The following SVEP1 variants were observed in gnomAD, a reference collection of about 807,000 sequenced individuals.
The protein encoded by SVEP1 is sushi, von Willebrand factor type A, EGF and pentraxin domain-containing protein 1.
SVEP1 carries 164 observed loss-of-function variants against 367.3 expected under a neutral mutation model. The observed-to-expected ratio is 0.45, with a 90% CI of 0.39 to 0.51. SVEP1 has a LOEUF of 0.51. Among genes scored for constraint, SVEP1 ranks in the 20% least tolerant of loss-of-function variants. The pLI, the probability that SVEP1 is intolerant of heterozygous loss-of-function variation, is 0.00. For missense variants in SVEP1, 4,117 were observed against 4,425.3 expected (o/e 0.93, Z 1.98); for synonymous variants, 1,666 against 1,611.6 (o/e 1.03, Z -0.81).
At chr9:110,536,163 G>C (rs1830076772) in intron 3 of SVEP1, among the ~76,000 whole-genome samples, 1 of 151,986 alleles carries the variant, frequency 6.6e-6, no homozygotes, top group South Asian at 2.1e-4. Context: ...TAACATAAAG[G>C]AATGTTGAAT....
intron 37 of SVEP1, 146 bp downstream of exon 37, chr9:110,410,917 G>T: frequency 1.6e-6 from 1 of 614,020 alleles, no homozygotes; most frequent in African/African-American, 1.9e-5. Context: ...AGATTATCAT[G>T]ATTCTTTGTT....
intron 27 of SVEP1, among the ~76,000 whole-genome samples, chr9:110,440,113 T>C (rs1828490970): frequency 6.6e-6 from 1 of 152,220 alleles, no homozygotes; most frequent in South Asian, 2.1e-4. Context: ...CCTCACTTGA[T>C]AATGCCATTT....
At chr9:110,513,187 G>A in intron 4 of SVEP1, 82 bp from the exon 5 acceptor site, 1 of 1,301,214 alleles carries the variant, frequency 7.7e-7, no homozygotes. Flanking sequence ...CTTTCAAGGG[G>A]GCATTTATGC....
intron 26 of SVEP1, among the ~76,000 whole-genome samples, chr9:110,445,405 G>A (rs926516128): frequency 6.6e-6 from 1 of 152,154 alleles, no homozygotes; most frequent in African/African-American, 2.4e-5. Flanking sequence ...GGTCAATGAT[G>A]TCACTGAAAT....
intron 5 of SVEP1, among the ~76,000 whole-genome samples, chr9:110,503,683 C>T (rs940171604): frequency 3.3e-5 from 5 of 152,198 alleles, no homozygotes; most frequent in Admixed American, 2.6e-4. Flanking sequence ...ATAGTGTTAG[C>T]CTCTGCAAAG....
chr9:110,482,687 C>G (rs1318492497), intron 10 of SVEP1, among the ~76,000 whole-genome samples, 195 bp from the exon 11 acceptor site: 1 of 152,048 alleles, frequency 6.6e-6, no homozygotes, highest in Non-Finnish European at 1.5e-5. Context: ...CCACCACGCC[C>G]AGCTAATTTT....
At chr9:110,372,914 AACATGGCAAAG>A (rs1451182074) in intron 46 of SVEP1, among the ~76,000 whole-genome samples, 1 of 152,202 alleles carries the variant, frequency 6.6e-6, no homozygotes, top group African/African-American at 2.4e-5. Context: ...TAGCCTCTTA[AACATGGCAAAG>A]ACATGCCAAA....
intron 5 of SVEP1, among the ~76,000 whole-genome samples, chr9:110,507,355 A>G (rs1034831130): frequency 6.6e-6 from 1 of 152,198 alleles, no homozygotes; most frequent in African/African-American, 2.4e-5. Context: ...TTAAAATACC[A>G]GGAAAGGAAG....
chr9:110,383,778 G>A (rs1410043), intron 43 of SVEP1, among the ~76,000 whole-genome samples: 2 of 151,848 alleles, frequency 1.3e-5, no homozygotes, highest in Non-Finnish European at 2.9e-5. Context: ...GAGATCAGAG[G>A]TCTGTTCATA....
intron 22 of SVEP1, among the ~76,000 whole-genome samples, chr9:110,453,786 T>C (rs139730701): frequency 2.1e-4 from 32 of 152,074 alleles, no homozygotes; most frequent in Middle Eastern, 3.4e-3. Flanking sequence ...GGAGAATTGT[T>C]TGAACTTGGG....
chr9:110,422,966 G>A (rs1452226286), intron 36 of SVEP1, among the ~76,000 whole-genome samples: 2 of 120,840 alleles, frequency 1.7e-5, no homozygotes, highest in Admixed American at 1.7e-4. Flanking sequence ...TCTGGGGACT[G>A]TGGTGGGGTC....
At chr9:110,552,794 G>A (rs1260592760) in intron 1 of SVEP1, among the ~76,000 whole-genome samples, 1 of 152,148 alleles carries the variant, frequency 6.6e-6, no homozygotes, top group Non-Finnish European at 1.5e-5. Flanking sequence ...CCACGGCCTG[G>A]GTACTGGGGC....
At chr9:110,524,551 A>C (rs944644909) in intron 3 of SVEP1, among the ~76,000 whole-genome samples, 1 of 152,140 alleles carries the variant, frequency 6.6e-6, no homozygotes, top group African/African-American at 2.4e-5. Context: ...TAACAGGCTA[A>C]AGAAGAAAAT....
intron 1 of SVEP1, among the ~76,000 whole-genome samples, chr9:110,575,490 C>T (rs890176946): frequency 6.6e-6 from 1 of 152,066 alleles, no homozygotes; most frequent in African/African-American, 2.4e-5. Flanking sequence ...GAGCGGAGAC[C>T]AGGTCCAACA....
chr9:110,466,956 AGAT>A (rs1200322743), intron 17 of SVEP1, among the ~76,000 whole-genome samples: 2 of 152,074 alleles, frequency 1.3e-5, no homozygotes, highest in African/African-American at 2.4e-5. Flanking sequence ...GACTTTGGCC[AGAT>A]GCCCTGACTC....
At chr9:110,490,062 T>C (rs1259574502) in intron 8 of SVEP1, among the ~76,000 whole-genome samples, 1 of 152,224 alleles carries the variant, frequency 6.6e-6, no homozygotes, top group Non-Finnish European at 1.5e-5. Flanking sequence ...CTCTTAAATG[T>C]TTCCATAATG....
intron 4 of SVEP1, 132 bp downstream of exon 4, chr9:110,513,816 T>G: frequency 9.2e-7 from 1 of 1,087,704 alleles, no homozygotes; most frequent in Non-Finnish European, 1.3e-6. Flanking sequence ...ATCATCCCAC[T>G]CCCCCAAAAA....
chr9:110,400,555 C>G (rs111460430), intron 40 of SVEP1, among the ~76,000 whole-genome samples: 1 of 151,758 alleles, frequency 6.6e-6, no homozygotes, highest in African/African-American at 2.4e-5. Context: ...TTAGTAGAGA[C>G]GGGGTTTCAC....
intron 5 of SVEP1, among the ~76,000 whole-genome samples, chr9:110,512,182 C>T (rs932080425): frequency 2.0e-5 from 3 of 152,186 alleles, no homozygotes; most frequent in Non-Finnish European, 2.9e-5. Flanking sequence ...TACTGAGAAG[C>T]TTTGTGGGCA....
Sources: gnomAD v4.1 joint callset for allele counts (sites outside exome capture counted in the v4.1 genomes callset) on GRCh38, gnomAD v4.1.1 for gene constraint, MANE v1.5 for transcripts, NCBI Gene and HGNC (gene_info 2026-07-23, HGNC 2026-07-21) for gene names.